The following EYS variants were observed in gnomAD, a reference collection of about 807,000 sequenced individuals.
The protein encoded by EYS is protein eyes shut homolog.
A neutral mutation model predicts 282.1 loss-of-function variants in EYS; 250 were observed. The observed-to-expected ratio is 0.89, with a 90% CI of 0.80 to 0.98. The LOEUF is 0.98. Ranked by LOEUF, EYS falls within the 50% of genes least tolerant of loss-of-function variation. EYS has a pLI of 0.00. For synonymous variants in EYS, 1,355 were observed against 1,282.9 expected, an observed-to-expected ratio of 1.06 and a Z score of -1.20; for missense variants, 4,016 against 3,709.0, an observed-to-expected ratio of 1.08 and a Z score of -2.15.
chr6:65,090,050 G>A (rs980791201), intron 12 of EYS, among the ~76,000 whole-genome samples: 1 of 151,144 alleles, frequency 6.6e-6, no homozygotes, highest in African/African-American at 2.4e-5. Flanking sequence ...AGGGCATAAG[G>A]CCATAATTCT....
At chr6:64,604,971 C>T (rs768228770) in intron 24 of EYS, among the ~76,000 whole-genome samples, 2 of 151,908 alleles carry the variant, frequency 1.3e-5, no homozygotes, top group Non-Finnish European at 2.9e-5. Context: ...CAAACATATG[C>T]CAGAGTTATC....
intron 2 of EYS, among the ~76,000 whole-genome samples, chr6:65,528,843 A>G (rs537330346): frequency 6.6e-6 from 1 of 152,328 alleles, no homozygotes; most frequent in Admixed American, 6.5e-5. Flanking sequence ...ATAAACCAAT[A>G]AGAACATGGT....
intron 26 of EYS, among the ~76,000 whole-genome samples, chr6:64,567,260 T>C (rs1765594614): frequency 6.6e-6 from 1 of 152,164 alleles, no homozygotes; most frequent in South Asian, 2.1e-4. Context: ...TTTAGTATAA[T>C]ACATTTTATA....
intron 14 of EYS, among the ~76,000 whole-genome samples, chr6:64,961,879 G>A (rs1416761576): frequency 2.6e-5 from 4 of 151,532 alleles, no homozygotes; most frequent in Non-Finnish European, 4.4e-5. Context: ...TTTCTGAAGC[G>A]GTTTTTCTAT....
rs1768621810 is a variant in EYS at position 63,726,518 on chromosome 6, C to G, written c.8233+1G>C. 1.9e-6 allele frequency: 3 copies of G among 1,547,576 alleles called. No individual in the cohort carries two copies. The highest frequency in any genetic ancestry group is 2.6e-6 in the Non-Finnish European group (3 of 1,145,084). ...GCAAACAAACAGCCTGCCAATCTTA[C>G]CTGATTGGGCTTTTAAGTGTTGTGC... On this transcript the variant is annotated splice_donor_variant, in intron 42 of 42. Transcript: ENST00000503581. LOFTEE classifies it high-confidence loss of function.
chr6:65,060,951 G>T (rs989895579), intron 12 of EYS, among the ~76,000 whole-genome samples: 1 of 151,646 alleles, frequency 6.6e-6, no homozygotes, highest in Non-Finnish European at 1.5e-5. Flanking sequence ...ACTAAATGCA[G>T]AAAAATGCCA....
chr6:63,962,392 A>C (rs1326022349), intron 35 of EYS, among the ~76,000 whole-genome samples: 1 of 152,138 alleles, frequency 6.6e-6, no homozygotes, highest in South Asian at 2.1e-4. Context: ...GAATCTACAA[A>C]GAACTCAAAC....
At chr6:64,535,033 A>G (rs1321008501) in intron 26 of EYS, among the ~76,000 whole-genome samples, 1 of 152,000 alleles carries the variant, frequency 6.6e-6, no homozygotes, top group Non-Finnish European at 1.5e-5. Flanking sequence ...GTCCTTGTTC[A>G]TTGTCTTAGT....
chr6:63,820,214 T>G (rs1011615305), intron 36 of EYS, among the ~76,000 whole-genome samples: 10 of 152,238 alleles, frequency 6.6e-5, no homozygotes, highest in Non-Finnish European at 1.5e-4. Flanking sequence ...TTTAATTGTA[T>G]TTCCCTGATT....
At chr6:65,421,672 C>T (rs1295385095) in intron 5 of EYS, among the ~76,000 whole-genome samples, 2 of 151,836 alleles carry the variant, frequency 1.3e-5, no homozygotes, top group African/African-American at 2.4e-5. Flanking sequence ...ACATACATGT[C>T]TCATTTGAAT....
At chr6:65,374,686 G>A (rs890883778) in intron 8 of EYS, among the ~76,000 whole-genome samples, 3 of 152,094 alleles carry the variant, frequency 2.0e-5, no homozygotes, top group African/African-American at 7.2e-5. Context: ...GCAGTCTGAA[G>A]TCGACCTGGG....
At chr6:64,949,751 A>G (rs1769420167) in intron 14 of EYS, among the ~76,000 whole-genome samples, 1 of 151,854 alleles carries the variant, frequency 6.6e-6, no homozygotes, top group Admixed American at 6.6e-5. Context: ...ATCATCTTAA[A>G]ATTTTGCCTT....
chr6:64,349,722 A>C (rs955881374), intron 29 of EYS, among the ~76,000 whole-genome samples: 7 of 151,454 alleles, frequency 4.6e-5, no homozygotes, highest in African/African-American at 1.7e-4. Context: ...AGAAAACTTA[A>C]ACTGTCTGCA....
chr6:65,460,007 T>TATAA (rs1278184450), intron 5 of EYS, among the ~76,000 whole-genome samples: 1 of 108,158 alleles, frequency 9.2e-6, no homozygotes, highest in Non-Finnish European at 1.9e-5. Flanking sequence ...TATATATATA[T>TATAA]AATTTTATTG....
chr6:64,255,764 A>C (rs1767375521), intron 30 of EYS, among the ~76,000 whole-genome samples: 1 of 152,058 alleles, frequency 6.6e-6, no homozygotes, highest in Admixed American at 6.6e-5. Flanking sequence ...ATATATTCAC[A>C]TGATATATGT....
chr6:64,764,147 A>T (rs1392151967), intron 22 of EYS, among the ~76,000 whole-genome samples: 1 of 152,200 alleles, frequency 6.6e-6, no homozygotes, highest in Admixed American at 6.5e-5. Context: ...GCAATGGCTC[A>T]GTGGGGACAC....
At chr6:63,886,942 T>C (rs1251577428) in intron 35 of EYS, among the ~76,000 whole-genome samples, 1 of 152,188 alleles carries the variant, frequency 6.6e-6, no homozygotes, top group African/African-American at 2.4e-5. Context: ...ACACAAAAGG[T>C]TGTTTTCTTA....
intron 22 of EYS, among the ~76,000 whole-genome samples, chr6:64,695,840 C>T (rs1770559589): frequency 6.6e-6 from 1 of 151,994 alleles, no homozygotes; most frequent in South Asian, 2.1e-4. Flanking sequence ...ATATCATAGA[C>T]ACAGCCTCAC....
intron 22 of EYS, among the ~76,000 whole-genome samples, chr6:64,643,120 C>CA (rs111720573): frequency 2.0e-5 from 1 of 49,284 alleles, no homozygotes; most frequent in Non-Finnish European, 4.0e-5. Context: ...CATCCCCCCC[C>CA]CCAAAAAAAA....
Sources: gnomAD v4.1 joint callset for allele counts (sites outside exome capture counted in the v4.1 genomes callset) on GRCh38, gnomAD v4.1.1 for gene constraint, MANE v1.5 for transcripts, NCBI Gene and HGNC (gene_info 2026-07-23, HGNC 2026-07-21) for gene names.